The following HPS1 variants were observed in gnomAD, a reference collection of about 807,000 sequenced individuals.
HPS1 encodes BLOC-3 complex member HPS1.
In HPS1, 59 loss-of-function variants were observed where a neutral mutation model predicts 90.6. The observed-to-expected ratio is 0.65, with a 90% CI of 0.53 to 0.81. HPS1 has a LOEUF of 0.81. HPS1 is among the 30% of genes least tolerant of loss of function. The pLI is 0.00. For synonymous variants in HPS1, 388 were observed against 384.4 expected (o/e 1.01, Z -0.11); for missense variants, 849 against 896.7 (o/e 0.95, Z 0.68).
rs77762334 is a variant in HPS1 at position 98,446,245 on chromosome 10, C to A, written c.-106+562G>T. ...GGCTCCATCACCCACATGATTGGCC[C>A]GAATGCCATATTCCCGAAACAGGGG... On this transcript the variant is annotated intron_variant, in intron 1 of 19. Coordinates refer to ENST00000361490, the MANE Select transcript of HPS1 (RefSeq NM_000195.5). Among the ~76,000 whole-genome samples, 1,144 of 152,268 alleles carry A rather than the reference C, an allele frequency of 7.5e-3. 33 individuals are homozygous for A. In the South Asian group the frequency reaches 0.088, roughly 12 times the overall value.
downstream of HPS1, chr10:98,415,104 G>T (rs1185970553): frequency 6.2e-7 from 1 of 1,613,796 alleles, no homozygotes; most frequent in East Asian, 2.2e-5. Flanking sequence ...GGCGGCCACA[G>T]CCTTGCAGAG....
rs769348553 is a variant in HPS1 at position 98,445,991 on chromosome 10, G to A, written c.-105-587C>T. On this transcript the variant is annotated intron_variant, in intron 1 of 19. Transcript: ENST00000361490. This position sits in a 1 kb window ranked among gnomAD's most constrained non-coding sequence, Gnocchi z 4.5. Reference sequence around the variant, plus strand: ...AGCTGCAAAGTAACCTTAGCAAACTGCGTTCTTACATAGGTGTGGGGATCA... The same window carrying A: ...AGCTGCAAAGTAACCTTAGCAAACTACGTTCTTACATAGGTGTGGGGATCA... Among the ~76,000 whole-genome samples, 5 of 152,200 alleles carry A rather than the reference G, an allele frequency of 3.3e-5. No individual in the cohort carries two copies. In the South Asian group the frequency reaches 8.3e-4, roughly 25 times the overall value.
At chr10:98,443,300 T>G in intron 2 of HPS1, 60 bp from the exon 3 acceptor site, 1 of 1,300,096 alleles carries the variant, frequency 7.7e-7, no homozygotes, top group Admixed American at 1.7e-5. Context: ...GAGCTCAGTC[T>G]GAGTAACGAA....
At chr10:98,442,620 C>T (rs1938639133) in intron 3 of HPS1, 1 of 192,410 alleles carries the variant, frequency 5.2e-6, no homozygotes, top group African/African-American at 2.3e-5. Flanking sequence ...ATCCTCCCAC[C>T]TCAACCTCCC....
intron 16 of HPS1, among the ~76,000 whole-genome samples, chr10:98,423,279 A>ACCGC (rs1554887467): frequency 0.018 from 2,347 of 131,892 alleles, 63 homozygotes; most frequent in African/African-American, 0.058. Context: ...GACCACAGGA[A>ACCGC]CCCCCCCCCC....
intron 10 of HPS1, among the ~76,000 whole-genome samples, chr10:98,427,961 C>A (rs770939564): frequency 6.6e-6 from 1 of 152,062 alleles, no homozygotes; most frequent in Non-Finnish European, 1.5e-5. Context: ...GTTCTCTGCA[C>A]GGTGGAACAG....
At chr10:98,441,044 A>T (rs1938322727) in intron 3 of HPS1, among the ~76,000 whole-genome samples, 1 of 152,168 alleles carries the variant, frequency 6.6e-6, no homozygotes, top group Non-Finnish European at 1.5e-5. Flanking sequence ...AACACGAGTG[A>T]TGTTGATGGT....
downstream of HPS1, chr10:98,414,936 C>G (rs956777565): frequency 5.5e-5 from 85 of 1,558,436 alleles, no homozygotes; most frequent in Middle Eastern, 1.7e-4. Flanking sequence ...TCCCCCTCCC[C>G]CTCCCCACCA....
Position 98,424,178 on chromosome 10 carries a change from G to A in HPS1, c.1397+135C>T, listed in dbSNP as rs747589206. 2.2e-5 allele frequency: 17 copies of A among 790,226 alleles called. No individual in the cohort carries two copies. Among genetic ancestry groups the A allele is most frequent in the Non-Finnish European group, 3.7e-5 (17 of 461,946 alleles). 49.0% of individuals were successfully genotyped at this position (790,226 alleles called of 1,614,324 possible). ...CCAGCTTCTCCACGCGGTGCTCCAC[G>A]TATGTGGGAAGAAATCTCCTTTCTT... On this transcript the variant is annotated intron_variant, in intron 14 of 19. Coordinates refer to ENST00000361490, the MANE Select transcript of HPS1 (RefSeq NM_000195.5).
At position 98,416,696 on chromosome 10, in the gene HPS1, G is replaced by T. The variant is rs1844160202; in HGVS notation, c.*868C>A. 6.6e-6 allele frequency: 1 copy of T among 152,350 alleles called. No homozygotes were observed. Among genetic ancestry groups the T allele is most frequent in the African/African-American group, 2.4e-5 (1 of 41,462 alleles). 9.4% of individuals were successfully genotyped at this position (152,350 alleles called of 1,614,324 possible). ...TCTCTGGCCCAGCACCGGCCTCCTGGCCTCAGAGGAGCAGACACTCCCAGT... is the reference window on the plus strand; with the variant it reads ...TCTCTGGCCCAGCACCGGCCTCCTGTCCTCAGAGGAGCAGACACTCCCAGT... On this transcript the variant is annotated 3_prime_UTR_variant, in exon 20 of 20. Coordinates refer to ENST00000361490, the MANE Select transcript of HPS1 (RefSeq NM_000195.5).
Position 98,418,935 on chromosome 10 carries a change from G to A in HPS1, c.1858-678C>T, listed in dbSNP as rs142640574. On this transcript the variant is annotated intron_variant, in intron 18 of 19. Coordinates refer to ENST00000361490, the MANE Select transcript of HPS1 (RefSeq NM_000195.5). ...TTTCTAGCACTTCTGTTGTACACACGTCCTGGGCACTTCTGAGGGCACGGA... is the reference window on the plus strand; with the variant it reads ...TTTCTAGCACTTCTGTTGTACACACATCCTGGGCACTTCTGAGGGCACGGA... 1.5e-4 allele frequency among the ~76,000 whole-genome samples: 23 copies of A among 152,364 alleles called. No homozygotes were observed. In the East Asian group the frequency reaches 2.9e-3, roughly 19 times the overall value.
intron 18 of HPS1, among the ~76,000 whole-genome samples, chr10:98,419,291 T>C (rs973511215): frequency 3.9e-5 from 6 of 152,140 alleles, no homozygotes; most frequent in Non-Finnish European, 8.8e-5. Flanking sequence ...GGAACACTCC[T>C]GAGAGCTGGA....
chr10:98,436,239 G>A (rs7082570), intron 3 of HPS1, among the ~76,000 whole-genome samples: 19,520 of 152,090 alleles, frequency 0.13, 1,518 homozygotes, highest in South Asian at 0.22. Flanking sequence ...GAAAAAAAAT[G>A]TTAACATCTA....
chr10:98,439,044 C>A (rs899499985), intron 3 of HPS1, among the ~76,000 whole-genome samples: 1 of 152,176 alleles, frequency 6.6e-6, no homozygotes, highest in African/African-American at 2.4e-5. Context: ...ATTGGGCCCA[C>A]GGGTGCACAT....
chr10:98,415,857 T>C (rs187251508), downstream of HPS1, among the ~76,000 whole-genome samples: 54 of 152,374 alleles, frequency 3.5e-4, no homozygotes, highest in Admixed American at 9.1e-4. Flanking sequence ...AGTTCTCCTC[T>C]TTTGGCACCT....
At chr10:98,415,231 AGAG>A (rs1305987490), downstream of HPS1, 1 of 1,470,180 alleles carries the variant, frequency 6.8e-7, no homozygotes, top group East Asian at 2.4e-5. Context: ...GGAAGCAGGA[AGAG>A]GAGGAGCTGC....
chr10:98,422,627 C>T, intron 16 of HPS1, 114 bp from the exon 17 acceptor site: 1 of 1,028,030 alleles, frequency 9.7e-7, no homozygotes, highest in East Asian at 2.4e-5. Flanking sequence ...CTGCCTCTTT[C>T]CAGCAGCTTC....
chr10:98,425,434 G>C, intron 13 of HPS1, 107 bp downstream of exon 13: 1 of 1,114,816 alleles, frequency 9.0e-7, no homozygotes, highest in African/African-American at 1.5e-5. Flanking sequence ...GGTGGAGCCC[G>C]GACAGGAACC....
Position 98,422,010 on chromosome 10 carries a change from A to ACT in HPS1, c.1743+358_1743+359insAG, listed in dbSNP as rs1353062498. 5.4e-3 allele frequency among the ~76,000 whole-genome samples: 805 copies of ACT among 148,282 alleles called. 10 individuals are homozygous for ACT. The highest frequency in any genetic ancestry group is 0.018 in the African/African-American group (753 of 40,818). On this transcript the variant is annotated intron_variant, in intron 17 of 19. Transcript: ENST00000361490. The stretch of plus-strand genomic sequence containing the variant: ...CACACACACACACACACACACACAC[A>ACT]CACACGTATAGTTTTTTTGGAGAGT...
Sources: gnomAD v4.1 joint callset for allele counts (sites outside exome capture counted in the v4.1 genomes callset) on GRCh38, gnomAD v4.1.1 for gene constraint, Gnocchi (gnomAD v3.1) non-coding constraint, MANE v1.5 for transcripts, NCBI Gene and HGNC (gene_info 2026-07-23, HGNC 2026-07-21) for gene names.